Variants in PTPRT observed in about 807,000 individuals in gnomAD.
The protein encoded by PTPRT is protein tyrosine phosphatase receptor type T, also known as receptor-type tyrosine-protein phosphatase T.
A neutral mutation model predicts 176.8 loss-of-function variants in PTPRT; 56 were observed. That is an observed-to-expected ratio of 0.32 (90% CI 0.26 to 0.40). The LOEUF (loss-of-function observed/expected upper bound fraction) is 0.40, where lower values mean the gene tolerates loss of function less well. PTPRT is among the 10% of genes least tolerant of loss of function. PTPRT has a pLI of 1.00. For synonymous variants in PTPRT, 783 were observed against 739.0 expected (o/e 1.06, Z -0.96); for missense variants, 1,540 against 1,908.2 (o/e 0.81, Z 3.60).
At chr20:42,686,957 A>G (rs947123370) in intron 6 of PTPRT, among the ~76,000 whole-genome samples, 1 of 152,202 alleles carries the variant, frequency 6.6e-6, no homozygotes, top group African/African-American at 2.4e-5. Flanking sequence ...AAAGTTACTT[A>G]ACCTCTTTGT....
chr20:42,664,826 G>C (rs1292875309), intron 7 of PTPRT, among the ~76,000 whole-genome samples: 1 of 152,002 alleles, frequency 6.6e-6, no homozygotes, highest in Non-Finnish European at 1.5e-5. Flanking sequence ...TGACAAACCT[G>C]ACAAAAACAA....
intron 9 of PTPRT, among the ~76,000 whole-genome samples, chr20:42,433,155 C>A (rs888019878): frequency 1.3e-5 from 2 of 152,148 alleles, no homozygotes; most frequent in Non-Finnish European, 2.9e-5. Context: ...TGGGAAGTTT[C>A]CCCAGAACCT....
At chr20:42,851,438 C>T (rs1203832330) in intron 2 of PTPRT, among the ~76,000 whole-genome samples, 1 of 152,284 alleles carries the variant, frequency 6.6e-6, no homozygotes, top group East Asian at 1.9e-4. Context: ...TCTCCCTTTC[C>T]AATCCAATTC....
intron 7 of PTPRT, among the ~76,000 whole-genome samples, chr20:42,513,204 GT>G (rs2071991684): frequency 4.6e-5 from 3 of 65,862 alleles, no homozygotes; most frequent in African/African-American, 9.2e-5. Flanking sequence ...TTGATGGGGT[GT>G]GTGTGTGTGT....
At chr20:42,430,494 G>C (rs1255666631) in intron 9 of PTPRT, among the ~76,000 whole-genome samples, 1 of 152,200 alleles carries the variant, frequency 6.6e-6, no homozygotes, top group Admixed American at 6.5e-5. Flanking sequence ...GAGAGGTTCA[G>C]CTTGAGAGGC....
intron 1 of PTPRT, among the ~76,000 whole-genome samples, chr20:43,058,505 C>A (rs1226570246): frequency 1.3e-5 from 2 of 152,208 alleles, no homozygotes; most frequent in African/African-American, 4.8e-5. Flanking sequence ...TGACATTGAA[C>A]AAATGGATTC....
At chr20:43,111,939 G>T (rs974866692) in intron 1 of PTPRT, among the ~76,000 whole-genome samples, 1 of 152,194 alleles carries the variant, frequency 6.6e-6, no homozygotes, top group Non-Finnish European at 1.5e-5. Context: ...ATGGTTTAGT[G>T]CCAAGGAGGG....
At chr20:42,615,121 A>G (rs1350533909) in intron 7 of PTPRT, among the ~76,000 whole-genome samples, 3 of 104,082 alleles carry the variant, frequency 2.9e-5, no homozygotes, top group Admixed American at 1.3e-4. Flanking sequence ...AGAGTGTGAT[A>G]TTCCCCTTCC....
rs1555828981 is a variant in PTPRT, at chr20:43,083,347, T to TATATATATAC, written c.88+106298_88+106299insGTATATATAT. 4.0e-3 allele frequency among the ~76,000 whole-genome samples: 392 copies of TATATATATAC among 97,772 alleles called. 24 individuals carry two copies. Among genetic ancestry groups the TATATATATAC allele is most frequent in the East Asian group, 0.013 (45 of 3,570 alleles). The allele number at this position is 97,772 out of a possible 152,430, so 64.1% of individuals were successfully genotyped here. A position where few individuals can be genotyped will look rare whatever the true frequency, so the allele number is the denominator to read the frequency against. On this transcript the variant is annotated intron_variant, in intron 1 of 30. Coordinates refer to ENST00000373187, the MANE Select transcript of PTPRT (RefSeq NM_007050.6). ...ATATATATATATATATATATATATA[T>TATATATATAC]ATATATATATATATATATATATACA... is the stretch of plus-strand genomic sequence containing the variant.
chr20:42,350,227 T>TGTTTG (rs1175946910), intron 11 of PTPRT, among the ~76,000 whole-genome samples: 1 of 115,220 alleles, frequency 8.7e-6, no homozygotes, highest in African/African-American at 4.0e-5. Context: ...TTTTTTTTTT[T>TGTTTG]TTTTTTTTTT....
intron 17 of PTPRT, among the ~76,000 whole-genome samples, chr20:42,149,506 G>A (rs1011896138): frequency 5.3e-5 from 8 of 150,778 alleles, no homozygotes; most frequent in South Asian, 2.1e-4. Flanking sequence ...TCACCGCAAC[G>A]TCTGCCTCCT....
At chr20:42,104,791 G>C in intron 24 of PTPRT, 73 bp from the exon 25 acceptor site, 3 of 1,434,538 alleles carry the variant, frequency 2.1e-6, no homozygotes, top group South Asian at 1.2e-5. Flanking sequence ...TCCACATTTA[G>C]TGTTGTGGCT....
chr20:42,892,207 AC>A (rs1385670958), intron 1 of PTPRT, among the ~76,000 whole-genome samples: 1 of 152,216 alleles, frequency 6.6e-6, no homozygotes, highest in East Asian at 1.9e-4. Flanking sequence ...CCTTTTATTC[AC>A]AGTTGAATGT....
chr20:42,323,323 C>T (rs371085082), intron 11 of PTPRT, among the ~76,000 whole-genome samples: 77 of 151,960 alleles, frequency 5.1e-4, no homozygotes, highest in Non-Finnish European at 8.5e-4. Flanking sequence ...ATGTTTATTG[C>T]GGCACTATTC....
intron 1 of PTPRT, among the ~76,000 whole-genome samples, chr20:42,940,620 G>GA (rs573389623): frequency 4.0e-5 from 6 of 150,028 alleles, no homozygotes; most frequent in Non-Finnish European, 8.9e-5. Flanking sequence ...TTAGGTGGGG[G>GA]AAAAAAAAAG....
chr20:42,675,502 C>T (rs994973063), intron 7 of PTPRT, among the ~76,000 whole-genome samples: 3 of 152,192 alleles, frequency 2.0e-5, no homozygotes, highest in South Asian at 4.1e-4. Flanking sequence ...TAGCCACTTA[C>T]GTGGACAACT....
At chr20:42,691,890 G>T (rs919656758) in intron 6 of PTPRT, among the ~76,000 whole-genome samples, 4 of 152,154 alleles carry the variant, frequency 2.6e-5, no homozygotes, top group Middle Eastern at 3.2e-3. Flanking sequence ...TAGAGGAAGA[G>T]AACATGAGGA....
At chr20:43,014,080 G>C (rs1377229392) in intron 1 of PTPRT, among the ~76,000 whole-genome samples, 2 of 152,122 alleles carry the variant, frequency 1.3e-5, no homozygotes, top group Admixed American at 1.3e-4. Context: ...TCAAGTACTT[G>C]GTGGAGAGAT....
intron 12 of PTPRT, among the ~76,000 whole-genome samples, chr20:42,309,281 G>C (rs975588038): frequency 6.6e-6 from 1 of 152,142 alleles, no homozygotes; most frequent in African/African-American, 2.4e-5. Flanking sequence ...ATGGTGGTGA[G>C]GATGCAGAGA....
Sources: allele counts gnomAD v4.1 joint callset (sites outside exome capture counted in the v4.1 genomes callset), GRCh38; gene constraint gnomAD v4.1.1; transcripts MANE v1.5; gene names NCBI Gene and HGNC (gene_info 2026-07-23, HGNC 2026-07-21).